Variants in ARHGAP24 observed in about 807,000 individuals in gnomAD.
ARHGAP24 encodes the protein rho GTPase-activating protein 24.
Under a neutral mutation model 76.4 loss-of-function variants are expected in ARHGAP24, and 50 were observed. That is an observed-to-expected ratio of 0.65 (90% CI 0.52 to 0.83). The LOEUF is 0.83. ARHGAP24 is among the 40% of genes least tolerant of loss of function. ARHGAP24 has a pLI of 0.00. For missense variants in ARHGAP24, 930 were observed against 914.2 expected, an observed-to-expected ratio of 1.02 and a Z score of -0.22; for synonymous variants, 345 against 323.3, an observed-to-expected ratio of 1.07 and a Z score of -0.72.
intron 2 of ARHGAP24, among the ~76,000 whole-genome samples, chr4:85,622,306 C>CG (rs1197082828): frequency 5.0e-5 from 6 of 121,194 alleles, no homozygotes; most frequent in African/African-American, 1.9e-4. Context: ...TCCATGTGTT[C>CG]TCATTGTTCA....
intron 1 of ARHGAP24, among the ~76,000 whole-genome samples, chr4:85,533,139 A>G (rs560726560): frequency 1.3e-4 from 20 of 152,190 alleles, no homozygotes; most frequent in Non-Finnish European, 1.6e-4. Flanking sequence ...AGAGTTTAAA[A>G]AGACAAGTGG....
chr4:85,910,166 C>G (rs976574592), intron 3 of ARHGAP24, among the ~76,000 whole-genome samples: 2 of 152,158 alleles, frequency 1.3e-5, no homozygotes, highest in African/African-American at 4.8e-5. Context: ...TGGCTGGCAC[C>G]GGGGAACGCA....
intron 3 of ARHGAP24, among the ~76,000 whole-genome samples, chr4:85,742,714 ATT>A (rs1262548800): frequency 6.6e-6 from 1 of 152,192 alleles, no homozygotes; most frequent in African/African-American, 2.4e-5. Context: ...ATGTGCTGTT[ATT>A]TAATGTTTAT....
At chr4:85,520,227 G>C (rs1313541001) in intron 1 of ARHGAP24, among the ~76,000 whole-genome samples, 1 of 152,124 alleles carries the variant, frequency 6.6e-6, no homozygotes, top group African/African-American at 2.4e-5. Context: ...AAAGTGTAAA[G>C]GTTGTCAGGG....
At chr4:85,488,586 C>T (rs1391604694) in intron 1 of ARHGAP24, among the ~76,000 whole-genome samples, 1 of 152,122 alleles carries the variant, frequency 6.6e-6, no homozygotes, top group African/African-American at 2.4e-5. Context: ...AGGTGATTTG[C>T]CCCAGGACAC....
chr4:85,870,572 TG>T (rs1732470188), intron 3 of ARHGAP24, among the ~76,000 whole-genome samples: 1 of 152,186 alleles, frequency 6.6e-6, no homozygotes, highest in African/African-American at 2.4e-5. Context: ...CATTAGTTAG[TG>T]GAGGCCCTTC....
At chr4:85,688,236 T>C (rs779477439) in intron 2 of ARHGAP24, among the ~76,000 whole-genome samples, 4 of 152,200 alleles carry the variant, frequency 2.6e-5, no homozygotes, top group Non-Finnish European at 5.9e-5. Context: ...TGAGCATCTG[T>C]TATTTTTTGA....
intron 9 of ARHGAP24, among the ~76,000 whole-genome samples, chr4:85,996,892 A>G (rs925884604): frequency 6.6e-6 from 1 of 152,210 alleles, no homozygotes; most frequent in Non-Finnish European, 1.5e-5. Flanking sequence ...GTCACACTTT[A>G]AATGTAGTAG....
chr4:85,961,498 A>G (rs1011386712), intron 5 of ARHGAP24, among the ~76,000 whole-genome samples: 4 of 151,774 alleles, frequency 2.6e-5, no homozygotes, highest in African/African-American at 9.7e-5. Flanking sequence ...TTTTTATTGG[A>G]AGAAAATATA....
chr4:85,704,325 C>T (rs1477016704), intron 2 of ARHGAP24, among the ~76,000 whole-genome samples: 1 of 152,042 alleles, frequency 6.6e-6, no homozygotes, highest in Non-Finnish European at 1.5e-5. Flanking sequence ...TCAAAGAAAC[C>T]ATTTCTTCCT....
intron 5 of ARHGAP24, among the ~76,000 whole-genome samples, chr4:85,961,998 A>G (rs1351137231): frequency 1.3e-5 from 2 of 152,148 alleles, no homozygotes; most frequent in African/African-American, 4.8e-5. Context: ...GTAGGCAGGC[A>G]GAATACAATG....
chr4:85,592,273 T>C (rs1560544711), intron 2 of ARHGAP24, among the ~76,000 whole-genome samples: 1 of 152,230 alleles, frequency 6.6e-6, no homozygotes. Context: ...TTGAGCACCT[T>C]TTCATATAAC....
At chr4:85,708,271 A>T (rs1213745047) in intron 2 of ARHGAP24, among the ~76,000 whole-genome samples, 1 of 152,228 alleles carries the variant, frequency 6.6e-6, no homozygotes, top group African/African-American at 2.4e-5. Context: ...TGTTCTAGTA[A>T]TTACCAAATT....
intron 2 of ARHGAP24, among the ~76,000 whole-genome samples, chr4:85,637,273 A>C (rs1003077125): frequency 6.6e-6 from 1 of 152,044 alleles, no homozygotes; most frequent in African/African-American, 2.4e-5. Flanking sequence ...TCTAACAAAA[A>C]AGCTGACATG....
At chr4:85,883,772 A>G (rs1376617504) in intron 3 of ARHGAP24, among the ~76,000 whole-genome samples, 1 of 150,558 alleles carries the variant, frequency 6.6e-6, no homozygotes, top group African/African-American at 2.4e-5. Context: ...AGAACGTAAC[A>G]CAAATTATGA....
chr4:85,620,650 T>G (rs1720687170), intron 2 of ARHGAP24, among the ~76,000 whole-genome samples: 1 of 151,924 alleles, frequency 6.6e-6, no homozygotes, highest in African/African-American at 2.4e-5. Flanking sequence ...ATTTCATTTA[T>G]TTCTGCTCTG....
rs560525594 is a variant in ARHGAP24, at chr4:85,953,619, C to A, written c.599+11346C>A. Among the ~76,000 whole-genome samples, 3 of 151,890 alleles carry A rather than the reference C, an allele frequency of 2.0e-5. No individual in the cohort carries two copies. In the East Asian group the frequency reaches 5.8e-4, roughly 29 times the overall value. On this transcript the variant is annotated intron_variant, in intron 5 of 9. Coordinates refer to ENST00000395184, the MANE Select transcript of ARHGAP24 (RefSeq NM_001025616.3). ...TGGTTGGAGAATGCCTAGGAATCTG[C>A]ATGGTAAATCCACAGGCGATTTTTT...
At chr4:85,650,117 G>T (rs1181391693) in intron 2 of ARHGAP24, among the ~76,000 whole-genome samples, 1 of 152,038 alleles carries the variant, frequency 6.6e-6, no homozygotes, top group Admixed American at 6.6e-5. Context: ...GAAGTACATG[G>T]TCGCTCCATA....
intron 2 of ARHGAP24, among the ~76,000 whole-genome samples, chr4:85,655,021 T>C (rs529578106): frequency 9.1e-4 from 139 of 152,350 alleles, no homozygotes; most frequent in African/African-American, 3.2e-3. Flanking sequence ...CTCCCTTATA[T>C]TGGCATAAAA....
Sources: allele counts gnomAD v4.1 joint callset (sites outside exome capture counted in the v4.1 genomes callset), GRCh38; gene constraint gnomAD v4.1.1; transcripts MANE v1.5; gene names NCBI Gene and HGNC (gene_info 2026-07-23, HGNC 2026-07-21).